FAM174B: variants seen among roughly 807,000 people sequenced by gnomAD.
FAM174B encodes membrane protein FAM174B.
Under a neutral mutation model 10.9 loss-of-function variants are expected in FAM174B, and 12 were observed. That is an observed-to-expected ratio of 1.10 (90% CI 0.71 to 1.79). FAM174B has a LOEUF of 1.79. Ranked by LOEUF, FAM174B falls within the 40% of genes most tolerant of loss-of-function variation. The pLI is 0.00. For synonymous variants in FAM174B, 132 were observed against 115.8 expected, an observed-to-expected ratio of 1.14 and a Z score of -0.90; for missense variants, 266 against 233.3, an observed-to-expected ratio of 1.14 and a Z score of -0.91.
chr15:92,630,320 G>GT lies in FAM174B; in HGVS notation c.369dup (p.Arg124ThrfsTer4). ...GGAGTGGTGATGATATCATACTTGCGTGTCTTCTTTAACCTCTTTCCCGAC... is the reference window on the plus strand; with the variant it reads ...GGAGTGGTGATGATATCATACTTGCGTTGTCTTCTTTAACCTCTTTCCCGAC... On this transcript the variant is annotated frameshift_variant, in exon 2 of 3. Transcript: ENST00000327355. LOFTEE classifies it high-confidence loss of function. 4 of 1,613,182 alleles carry GT rather than the reference G, an allele frequency of 2.5e-6. No individual in the cohort carries two copies. The highest frequency in any genetic ancestry group is 3.4e-6 in the Non-Finnish European group (4 of 1,179,524).
At position 92,630,329 on chromosome 15, in the gene FAM174B, T is replaced by C; in HGVS notation, c.361A>G (p.Lys121Glu). The change falls in exon 2 of 3, where the codon AAG becomes GAG. Residue 121 changes from lysine to glutamate, a missense_variant. Coordinates refer to ENST00000327355, the MANE Select transcript of FAM174B (RefSeq NM_207446.3). Reference protein sequence around the residue: ...LRVFRSGKRLKKTRKYDIITT... With the variant: ...LRVFRSGKRLEKTRKYDIITT... ...ATGATATCATACTTGCGTGTCTTCTTTAACCTCTTTCCCGACCTGCAGGAG... is the reference window on the plus strand; with the variant it reads ...ATGATATCATACTTGCGTGTCTTCTCTAACCTCTTTCCCGACCTGCAGGAG... 1 of 1,612,982 alleles carries C rather than the reference T, an allele frequency of 6.2e-7. No homozygotes were observed.
intron 2 of FAM174B, among the ~76,000 whole-genome samples, chr15:92,620,814 CAAA>C (rs34607670): frequency 2.8e-5 from 2 of 71,388 alleles, no homozygotes; most frequent in African/African-American, 5.9e-5. Context: ...GACTCTGTCT[CAAA>C]AAAAAAAAAA....
At chr15:92,649,341 G>A (rs931413322) in intron 1 of FAM174B, among the ~76,000 whole-genome samples, 3 of 152,216 alleles carry the variant, frequency 2.0e-5, no homozygotes, top group Admixed American at 6.5e-5. Flanking sequence ...GAATTGAGTA[G>A]TCAAGGAGGC....
chr15:92,643,326 A>T (rs932269935), intron 1 of FAM174B, among the ~76,000 whole-genome samples: 1 of 129,302 alleles, frequency 7.7e-6, no homozygotes. Context: ...CAAAGTCATT[A>T]TAAGAAATAG....
At chr15:92,629,617 A>T (rs1196630300) in intron 2 of FAM174B, among the ~76,000 whole-genome samples, 1 of 152,126 alleles carries the variant, frequency 6.6e-6, no homozygotes, top group African/African-American at 2.4e-5. Context: ...TCCTTCTATA[A>T]AGGTGACTTT....
intron 1 of FAM174B, among the ~76,000 whole-genome samples, chr15:92,639,690 G>A (rs989057718): frequency 4.6e-5 from 7 of 152,254 alleles, no homozygotes; most frequent in African/African-American, 1.4e-4. Flanking sequence ...TCTTCGCGCT[G>A]TTCTTATGAT....
intron 2 of FAM174B, 117 bp from the exon 3 acceptor site, chr15:92,619,576 C>T: frequency 8.4e-7 from 1 of 1,194,144 alleles, no homozygotes; most frequent in South Asian, 1.5e-5. Flanking sequence ...GCCACAGTCC[C>T]CAGCCACAGG....
At chr15:92,627,733 T>A (rs1268535485) in intron 2 of FAM174B, among the ~76,000 whole-genome samples, 2 of 152,288 alleles carry the variant, frequency 1.3e-5, no homozygotes, top group South Asian at 2.1e-4. Context: ...AGTACATTGA[T>A]CCACTCGAAC....
At position 92,618,662 on chromosome 15, in the gene FAM174B, C is replaced by T. The variant is rs1459006891; in HGVS notation, c.*794G>A. The T allele has an allele frequency of 6.5e-6, 1 of 153,214 alleles. No homozygotes were observed. 9.5% of individuals were successfully genotyped at this position (153,214 alleles called of 1,614,324 possible). On this transcript the variant is annotated 3_prime_UTR_variant, in exon 3 of 3. Transcript: ENST00000327355. ...AAAGCACAAAGAATGTTGCTAATCACAGGCTGCCTAGCACTTTCCTTTCCC... is the reference window on the plus strand; with the variant it reads ...AAAGCACAAAGAATGTTGCTAATCATAGGCTGCCTAGCACTTTCCTTTCCC...
At chr15:92,632,952 G>A (rs746242982) in intron 1 of FAM174B, among the ~76,000 whole-genome samples, 1 of 152,160 alleles carries the variant, frequency 6.6e-6, no homozygotes, top group Admixed American at 6.5e-5. Context: ...TCAGAACATG[G>A]CTGGAAGGTC....
rs1173321682 is a variant in FAM174B, at chr15:92,655,324, G to A, written c.336C>T (p.Arg112=). Residue 112 remains arginine (R), a synonymous_variant, in exon 1 of 3, where the codon CGC becomes CGT. Coordinates refer to ENST00000327355, the MANE Select transcript of FAM174B (RefSeq NM_207446.3). The part of the protein sequence containing the change: ...TTLLIACLLL[R]VFRSGKRLKK... ...AGGGCGGGAGGGCCCACCTGAAGAC[G>A]CGCAGCAGCAGGCAGGCGATGAGGA... The A allele has an allele frequency of 2.6e-6, 4 of 1,559,088 alleles. No homozygotes were observed. The highest frequency in any genetic ancestry group is 2.6e-5 in the East Asian group (1 of 38,652).
chr15:92,637,323 A>T (rs999556545), intron 1 of FAM174B, among the ~76,000 whole-genome samples: 8 of 152,366 alleles, frequency 5.3e-5, no homozygotes, highest in Admixed American at 1.3e-4. Flanking sequence ...AAGTAAAGGC[A>T]ATATGGTAGA....
chr15:92,632,349 C>G (rs1423788409), intron 1 of FAM174B, among the ~76,000 whole-genome samples: 1 of 152,158 alleles, frequency 6.6e-6, no homozygotes, highest in Non-Finnish European at 1.5e-5. Flanking sequence ...TAGAGACTAT[C>G]CTGGCTAACA....
At chr15:92,639,556 G>T (rs2050876806) in intron 1 of FAM174B, among the ~76,000 whole-genome samples, 1 of 152,176 alleles carries the variant, frequency 6.6e-6, no homozygotes, top group South Asian at 2.1e-4. Flanking sequence ...AGTGTGATAA[G>T]GTTTGGAACT....
chr15:92,637,350 G>A (rs2050862657), intron 1 of FAM174B, among the ~76,000 whole-genome samples: 1 of 152,228 alleles, frequency 6.6e-6, no homozygotes, highest in Non-Finnish European at 1.5e-5. Context: ...ATTGGAAAGA[G>A]AGAGACCAAG....
rs1283793023 is a variant in FAM174B, at chr15:92,630,240, G to T, written c.450C>A (p.Asp150Glu). The T allele has an allele frequency of 1.2e-6, 2 of 1,613,786 alleles. No homozygotes were observed. Among genetic ancestry groups the T allele is most frequent in the Non-Finnish European group, 1.7e-6 (2 of 1,179,816 alleles). ...PLNEEDDEDEDSTVFDIKYR is the reference protein window; with the variant it reads ...PLNEEDDEDEESTVFDIKYR ...TGTATTTGATGTCGAATACTGTGGA[G>T]TCCTCATCTTCATCATCCTCTTCAT... Residue 150 changes from aspartate (D) to glutamate (E), a missense_variant, in exon 2 of 3, where the codon GAC becomes GAA. By Grantham distance (45) the Asp-to-Glu change is conservative. Coordinates refer to ENST00000327355, the MANE Select transcript of FAM174B (RefSeq NM_207446.3).
At chr15:92,625,663 T>A (rs147947432) in intron 2 of FAM174B, among the ~76,000 whole-genome samples, 1 of 152,228 alleles carries the variant, frequency 6.6e-6, no homozygotes, top group Admixed American at 6.5e-5. Flanking sequence ...ACAGTCTTAT[T>A]TCTATAAAAA....
chr15:92,631,748 G>A (rs868855021), intron 1 of FAM174B, among the ~76,000 whole-genome samples: 11 of 150,994 alleles, frequency 7.3e-5, no homozygotes, highest in African/African-American at 2.2e-4. Flanking sequence ...TGCCCACCTC[G>A]CCCTCCCAAA....
chr15:92,642,878 C>T (rs375668405), intron 1 of FAM174B, among the ~76,000 whole-genome samples: 1 of 152,266 alleles, frequency 6.6e-6, no homozygotes, highest in African/African-American at 2.4e-5. Context: ...ACATGCCACA[C>T]ATAGATGAAC....
Sources: gnomAD v4.1 joint callset for allele counts (sites outside exome capture counted in the v4.1 genomes callset) on GRCh38, gnomAD v4.1.1 for gene constraint, MANE v1.5 for transcripts, NCBI Gene and HGNC (gene_info 2026-07-23, HGNC 2026-07-21) for gene names.